KCNH8: variants seen among roughly 807,000 people sequenced by gnomAD.
KCNH8 encodes the protein voltage-gated delayed rectifier potassium channel KCNH8.
In KCNH8, 70 loss-of-function variants were observed where a neutral mutation model predicts 103.6. The observed-to-expected ratio is 0.68, with a 90% CI of 0.56 to 0.82. KCNH8 has a LOEUF of 0.82. Among genes scored for constraint, KCNH8 ranks in the 40% least tolerant of loss-of-function variants. The pLI is 0.00. For missense variants in KCNH8, 1,217 were observed against 1,329.9 expected (o/e 0.92, Z 1.32); for synonymous variants, 498 against 489.4 (o/e 1.02, Z -0.23).
chr3:19,316,349 C>T (rs939357247), intron 3 of KCNH8, among the ~76,000 whole-genome samples: 1 of 151,798 alleles, frequency 6.6e-6, no homozygotes, highest in African/African-American at 2.4e-5. Context: ...TCAGATATCC[C>T]CTTAGTGGTA....
intron 2 of KCNH8, among the ~76,000 whole-genome samples, chr3:19,267,555 G>A (rs765298884): frequency 6.6e-6 from 1 of 152,050 alleles, no homozygotes; most frequent in Non-Finnish European, 1.5e-5. Flanking sequence ...GGAAAAAAAT[G>A]TGACCTTTGT....
Position 19,500,395 on chromosome 3 carries a change from A to C in KCNH8, c.2041-9968A>C, listed in dbSNP as rs548670004. Among the ~76,000 whole-genome samples, 74 of 152,270 alleles carry C rather than the reference A, an allele frequency of 4.9e-4. 2 individuals carry two copies. Among genetic ancestry groups the C allele is most frequent in the Admixed American group, 3.4e-3 (52 of 15,306 alleles). On this transcript the variant is annotated intron_variant, in intron 11 of 15. Coordinates refer to ENST00000328405, the MANE Select transcript of KCNH8 (RefSeq NM_144633.3). ...AGATCAATGAGACAGAAAATCAACA[A>C]GGATACCCAGGAATTGAACTCAGCT... is the stretch of plus-strand genomic sequence containing the variant.
intron 1 of KCNH8, among the ~76,000 whole-genome samples, chr3:19,163,119 A>T (rs926610942): frequency 2.0e-5 from 3 of 151,922 alleles, no homozygotes; most frequent in Non-Finnish European, 4.4e-5. Flanking sequence ...AAAAATAATG[A>T]TACTACATAG....
chr3:19,325,313 C>T (rs554696423), intron 3 of KCNH8, among the ~76,000 whole-genome samples: 15 of 151,968 alleles, frequency 9.9e-5, no homozygotes, highest in African/African-American at 2.4e-4. Context: ...GATGAAGACA[C>T]GAAAAGAAAT....
chr3:19,504,743 C>T (rs137950151), intron 11 of KCNH8, among the ~76,000 whole-genome samples: 97 of 152,086 alleles, frequency 6.4e-4, no homozygotes, highest in African/African-American at 2.3e-3. Flanking sequence ...TAAATTAGTT[C>T]AACTGTTGTG....
At chr3:19,519,018 C>A (rs1178724568) in intron 15 of KCNH8, among the ~76,000 whole-genome samples, 1 of 151,936 alleles carries the variant, frequency 6.6e-6, no homozygotes, top group Non-Finnish European at 1.5e-5. Context: ...GTTAGTGAGA[C>A]AGTTAAACTT....
At chr3:19,356,190 G>GGA (rs1191588916) in intron 5 of KCNH8, among the ~76,000 whole-genome samples, 1 of 151,878 alleles carries the variant, frequency 6.6e-6, no homozygotes, top group Non-Finnish European at 1.5e-5. Flanking sequence ...GTCAATTTTG[G>GGA]GAGATGATAT....
At chr3:19,486,691 G>A (rs187007591) in intron 11 of KCNH8, among the ~76,000 whole-genome samples, 1 of 152,190 alleles carries the variant, frequency 6.6e-6, no homozygotes, top group African/African-American at 2.4e-5. Flanking sequence ...ACTAGCTCTT[G>A]TAGAGGCTCC....
chr3:19,162,389 G>A (rs987055351), intron 1 of KCNH8, among the ~76,000 whole-genome samples: 8 of 151,442 alleles, frequency 5.3e-5, no homozygotes, highest in Non-Finnish European at 1.2e-4. Flanking sequence ...TCTGGGCATG[G>A]TGGTGCATGT....
intron 2 of KCNH8, among the ~76,000 whole-genome samples, chr3:19,278,367 T>C (rs1327344979): frequency 6.7e-6 from 1 of 148,786 alleles, no homozygotes; most frequent in Non-Finnish European, 1.5e-5. Context: ...TGTGGATAAA[T>C]CTGGAGGGAC....
chr3:19,357,775 T>C (rs2065898479), intron 5 of KCNH8, among the ~76,000 whole-genome samples: 1 of 151,892 alleles, frequency 6.6e-6, no homozygotes, highest in Non-Finnish European at 1.5e-5. Flanking sequence ...TGTTTATATT[T>C]ACCTTAGTCA....
At chr3:19,364,243 A>G (rs549212878) in intron 5 of KCNH8, among the ~76,000 whole-genome samples, 7 of 152,180 alleles carry the variant, frequency 4.6e-5, no homozygotes, top group Non-Finnish European at 1.0e-4. Context: ...CGCCTCCACA[A>G]CACAAAGCCT....
chr3:19,419,491 C>T (rs982360550), intron 7 of KCNH8, among the ~76,000 whole-genome samples: 1 of 152,022 alleles, frequency 6.6e-6, no homozygotes, highest in Non-Finnish European at 1.5e-5. Flanking sequence ...TGAGCCACCG[C>T]GCCCGGCCAA....
At chr3:19,323,552 G>A (rs956057382) in intron 3 of KCNH8, among the ~76,000 whole-genome samples, 3 of 152,196 alleles carry the variant, frequency 2.0e-5, no homozygotes, top group African/African-American at 7.2e-5. Context: ...GTGAGCTAGT[G>A]TGATCTTTTC....
intron 3 of KCNH8, among the ~76,000 whole-genome samples, chr3:19,281,827 G>A (rs79264336): frequency 0.099 from 15,085 of 152,036 alleles, 2,339 homozygotes; most frequent in African/African-American, 0.33. Flanking sequence ...TTGTATATAA[G>A]AATATAATAC....
chr3:19,436,929 G>A (rs913072110), intron 7 of KCNH8, among the ~76,000 whole-genome samples: 3 of 152,158 alleles, frequency 2.0e-5, no homozygotes, highest in African/African-American at 7.2e-5. Context: ...GCAAGCTAAA[G>A]GTTGAAAAAC....
rs1158621894 is a variant in KCNH8 at position 19,515,306 on chromosome 3, C to T, written c.2436-16C>T. The T allele has an allele frequency of 6.9e-7, 1 of 1,458,108 alleles. No homozygotes were observed. Among genetic ancestry groups the T allele is most frequent in the Non-Finnish European group, 9.4e-7 (1 of 1,059,534 alleles). The allele number at this position is 1,458,108 out of a possible 1,614,324, so 90.3% of individuals were successfully genotyped here. ...ATATGAATCCACAGCCAGCCAATTT[C>T]CTTTATTTTAAGTAGGATTGTTGAT... On this transcript the variant is annotated splice_polypyrimidine_tract_variant and intron_variant, in intron 13 of 15. Transcript: ENST00000328405.
At chr3:19,231,952 G>A (rs2063999427) in intron 1 of KCNH8, among the ~76,000 whole-genome samples, 3 of 152,102 alleles carry the variant, frequency 2.0e-5, no homozygotes, top group African/African-American at 4.8e-5. Context: ...TAATTGCCGC[G>A]AGTTTTGAGA....
chr3:19,515,547 A>T, intron 14 of KCNH8, 119 bp downstream of exon 14: 1 of 464,964 alleles, frequency 2.2e-6, no homozygotes, highest in Non-Finnish European at 3.8e-6. Flanking sequence ...CCTGTCATAG[A>T]ACCTTACCAA....
Sources: allele counts gnomAD v4.1 joint callset (sites outside exome capture counted in the v4.1 genomes callset), GRCh38; gene constraint gnomAD v4.1.1; transcripts MANE v1.5; gene names NCBI Gene and HGNC (gene_info 2026-07-23, HGNC 2026-07-21).